Variants in LRRK2 observed in about 807,000 individuals in gnomAD.
LRRK2 encodes leucine rich repeat kinase 2, also known as leucine-rich repeat serine/threonine-protein kinase 2.
In LRRK2, 203 loss-of-function variants were observed where a neutral mutation model predicts 302.6. The ratio of observed to expected loss-of-function variants is 0.67; its 90% CI spans 0.60 to 0.75. The LOEUF is 0.75. LRRK2 is among the 30% of genes least tolerant of loss of function. LRRK2 has a pLI of 0.00. For missense variants in LRRK2, 2,830 were observed against 2,951.0 expected (o/e 0.96, Z 0.95); for synonymous variants, 1,066 against 1,031.9 (o/e 1.03, Z -0.63).
chr12:40,304,648 G>A (rs17519971), intron 27 of LRRK2: 1,946 of 154,038 alleles, frequency 0.013, 48 homozygotes, highest in African/African-American at 0.044. Flanking sequence ...GATAGTATAA[G>A]GATAAAAATT....
intron 23 of LRRK2, among the ~76,000 whole-genome samples, chr12:40,297,500 A>C (rs567254796): frequency 5.4e-4 from 82 of 152,312 alleles, no homozygotes; most frequent in African/African-American, 1.9e-3. Context: ...TCTGAAACAA[A>C]AGCAGGAATT....
At chr12:40,235,550 A>G (rs1941411977) in intron 3 of LRRK2, 76 bp from the exon 4 acceptor site, 1 of 944,000 alleles carries the variant, frequency 1.1e-6, no homozygotes, top group Admixed American at 1.8e-5. Context: ...AAAATAGGTG[A>G]GCAAAAAAAA....
chr12:40,328,238 G>C (rs1451724540), intron 38 of LRRK2, 122 bp from the exon 39 acceptor site: 2 of 730,338 alleles, frequency 2.7e-6, no homozygotes, highest in African/African-American at 1.8e-5. Context: ...TTGATTCAAT[G>C]AAACAAGTAG....
rs563422939 is a variant in LRRK2 at position 40,298,438 on chromosome 12, G to T, written c.3292G>T (p.Val1098Leu). The T allele has an allele frequency of 1.2e-6, 2 of 1,613,864 alleles. No individual in the cohort carries two copies. The highest frequency in any genetic ancestry group is 2.7e-5 in the African/African-American group (2 of 74,966). ...CCTGTCATATAACCAGCTGTCTTTT[G>T]TACCTGAGAACCTCACTGATGTGGT... is the stretch of plus-strand genomic sequence containing the variant. ...FNLSYNQLSF[V>L]PENLTDVVEK... Residue 1098 changes from valine to leucine, a missense_variant, in exon 24 of 51, where the codon GTA becomes TTA. Transcript: ENST00000298910.
intron 2 of LRRK2, among the ~76,000 whole-genome samples, chr12:40,229,874 T>C (rs1011404993): frequency 6.6e-6 from 1 of 152,074 alleles, no homozygotes; most frequent in Non-Finnish European, 1.5e-5. Flanking sequence ...ACTGATACTG[T>C]TGCTTCACCA....
Position 40,359,304 on chromosome 12 carries a change from CA to C in LRRK2, c.6889del (p.Ser2297ValfsTer4). 6.2e-7 allele frequency: 1 copy of C among 1,612,254 alleles called. No homozygotes were observed. On this transcript the variant is annotated frameshift_variant, in exon 47 of 51. Transcript: ENST00000298910. LOFTEE classifies it high-confidence loss of function. ...TGAAGATACTAAATATAGGAAATGT[CA>C]GTACTCCATTGATGTGTTTGAGTGA... ...PLKILNIGNV[S>X]TPLMCLSEST...
intron 47 of LRRK2, among the ~76,000 whole-genome samples, chr12:40,362,067 A>G (rs1946727173): frequency 6.6e-6 from 1 of 152,088 alleles, no homozygotes; most frequent in South Asian, 2.1e-4. Context: ...GAGATTTATC[A>G]TATTTTATGT....
intron 31 of LRRK2, 81 bp downstream of exon 31, chr12:40,310,730 A>T: frequency 1.4e-6 from 2 of 1,381,372 alleles, no homozygotes; most frequent in Non-Finnish European, 2.1e-6. Flanking sequence ...AGAAGTGAGC[A>T]ACTCACTTAA....
At chr12:40,271,334 G>A (rs970041269) in intron 14 of LRRK2, among the ~76,000 whole-genome samples, 16 of 152,150 alleles carry the variant, frequency 1.1e-4, no homozygotes, top group Admixed American at 7.2e-4. Context: ...CTGGGAATGC[G>A]AGTCTGTTTT....
chr12:40,306,193 C>T (rs1592262680), intron 28 of LRRK2, among the ~76,000 whole-genome samples: 1 of 152,080 alleles, frequency 6.6e-6, no homozygotes, highest in African/African-American at 2.4e-5. Flanking sequence ...AGCGGCTTCT[C>T]CTCCTTCTGT....
At chr12:40,353,521 C>A (rs535044776) in intron 44 of LRRK2, among the ~76,000 whole-genome samples, 71 of 143,644 alleles carry the variant, frequency 4.9e-4, no homozygotes, top group Non-Finnish European at 8.4e-4. Context: ...GCAGAGGGGG[C>A]TCCTCACATC....
At chr12:40,246,344 A>G (rs1206401584) in intron 7 of LRRK2, among the ~76,000 whole-genome samples, 1 of 152,032 alleles carries the variant, frequency 6.6e-6, no homozygotes, top group African/African-American at 2.4e-5. Flanking sequence ...TGATAAATTT[A>G]ACTTGGTCAT....
chr12:40,300,265 T>C (rs1565728864), intron 25 of LRRK2, among the ~76,000 whole-genome samples: 1 of 152,194 alleles, frequency 6.6e-6, no homozygotes, highest in Non-Finnish European at 1.5e-5. Context: ...TTATTAAAAG[T>C]TGTAGAATCC....
rs1224191615 is a variant in LRRK2, at chr12:40,352,646, A to G, written c.6576+913A>G. Among the ~76,000 whole-genome samples, 3 of 148,568 alleles carry G rather than the reference A, an allele frequency of 2.0e-5. No homozygotes were observed. In the South Asian group the frequency reaches 6.6e-4, roughly 33 times the overall value. On this transcript the variant is annotated intron_variant, in intron 44 of 50. Coordinates refer to ENST00000298910, the MANE Select transcript of LRRK2 (RefSeq NM_198578.4). ...TTTGTGTCCCTGGGTACTTGAGATT[A>G]GGGAGTAGTGATGACTCTTAACGAG... is the stretch of plus-strand genomic sequence containing the variant.
chr12:40,357,080 C>T (rs1946562808), intron 46 of LRRK2, among the ~76,000 whole-genome samples: 1 of 152,192 alleles, frequency 6.6e-6, no homozygotes. Flanking sequence ...TCATCCTCCC[C>T]TTCTCCCACA....
chr12:40,320,778 T>C lies in LRRK2; in HGVS notation c.5016-256T>C, dbSNP rs73275726. On this transcript the variant is annotated intron_variant, in intron 34 of 50. Transcript: ENST00000298910. ...AAGATTACATTTGTCTATGCATAAC[T>C]AATTGTAATAATTTATGTATTAGTG... Among the ~76,000 whole-genome samples the C allele has an allele frequency of 3.5e-3, 537 of 152,170 alleles. 5 individuals carry two copies. Among genetic ancestry groups the C allele is most frequent in the African/African-American group, 0.011 (465 of 41,546 alleles).
intron 14 of LRRK2, among the ~76,000 whole-genome samples, chr12:40,272,237 A>G (rs935003198): frequency 6.6e-6 from 1 of 152,238 alleles, no homozygotes; most frequent in African/African-American, 2.4e-5. Flanking sequence ...TGGTACTGTT[A>G]ATCAAACAGA....
chr12:40,300,871 G>A (rs981427974), intron 25 of LRRK2: 16 of 471,034 alleles, frequency 3.4e-5, no homozygotes, highest in African/African-American at 3.2e-4. Flanking sequence ...AGTCAGGAAA[G>A]CATTTCTGTG....
chr12:40,304,109 A>G lies in LRRK2; in HGVS notation c.3752A>G (p.His1251Arg). 6.2e-7 allele frequency: 1 copy of G among 1,613,270 alleles called. No homozygotes were observed. The highest frequency in any genetic ancestry group is 1.1e-5 in the South Asian group (1 of 90,962). Residue 1251 changes from histidine (H) to arginine (R), a missense_variant, in exon 27 of 51, where the codon CAT becomes CGT. Physicochemically the swap from His to Arg is conservative, Grantham distance 29. Around this residue, in one of 3 missense-constraint regions of LRRK2, gnomAD observed 2,121 missense variants for 2,148.0 expected, o/e 0.99. Coordinates refer to ENST00000298910, the MANE Select transcript of LRRK2 (RefSeq NM_198578.4). ...TTATGGTCTAGAGTAGAGAAACTGCATCTTTCTCACAATAAACTGAAAGAG... is the reference window on the plus strand; with the variant it reads ...TTATGGTCTAGAGTAGAGAAACTGCGTCTTTCTCACAATAAACTGAAAGAG... ...AYLWSRVEKL[H>R]LSHNKLKEIP... is the part of the protein sequence containing the mutation.
Sources: allele counts gnomAD v4.1 joint callset (sites outside exome capture counted in the v4.1 genomes callset), GRCh38; gene constraint gnomAD v4.1.1; regional missense constraint gnomAD v4.1.1; transcripts MANE v1.5; gene names NCBI Gene and HGNC (gene_info 2026-07-23, HGNC 2026-07-21).